The following PCDH15 variants were observed in gnomAD, a reference collection of about 807,000 sequenced individuals.
PCDH15 encodes the protein protocadherin related 15, also known as protocadherin-15.
A neutral mutation model predicts 178.5 loss-of-function variants in PCDH15; 129 were observed. The observed-to-expected ratio is 0.72, with a 90% confidence interval of 0.63 to 0.84. The LOEUF is 0.84. Among genes scored for constraint, PCDH15 ranks in the 40% least tolerant of loss-of-function variants. The probability of loss-of-function intolerance (pLI) is 0.00; values close to 1 mark genes in which losing one functional copy is unlikely to be tolerated. For missense variants in PCDH15, 2,230 were observed against 2,099.9 expected (o/e 1.06, Z -1.21); for synonymous variants, 800 against 732.0 (o/e 1.09, Z -1.50).
intron 2 of PCDH15, among the ~76,000 whole-genome samples, chr10:55,109,294 A>C (rs1005999604): frequency 1.2e-4 from 19 of 152,296 alleles, no homozygotes; most frequent in Non-Finnish European, 1.3e-4. Context: ...AAATTTCTTA[A>C]ATTTTTAAGC....
At chr10:55,454,726 A>G (rs1839513375) in intron 2 of PCDH15, among the ~76,000 whole-genome samples, 1 of 149,272 alleles carries the variant, frequency 6.7e-6, no homozygotes, top group African/African-American at 2.5e-5. Context: ...CGGAGCTTGC[A>G]GTGAGCCGAG....
chr10:54,696,650 T>C (rs2095229647), intron 1 of PCDH15, among the ~76,000 whole-genome samples: 1 of 150,326 alleles, frequency 6.7e-6, no homozygotes, highest in South Asian at 2.2e-4. Flanking sequence ...CCATTTCTGA[T>C]CAAAAAGATT....
intron 1 of PCDH15, among the ~76,000 whole-genome samples, chr10:55,310,449 T>C (rs143158385): frequency 2.2e-4 from 33 of 152,312 alleles, no homozygotes; most frequent in African/African-American, 7.9e-4. Flanking sequence ...ACTTGTTAAT[T>C]CTAACCTATT....
At chr10:55,281,094 T>C (rs1211944843) in intron 1 of PCDH15, among the ~76,000 whole-genome samples, 1 of 152,202 alleles carries the variant, frequency 6.6e-6, no homozygotes, top group East Asian at 1.9e-4. Flanking sequence ...AGCCAATAAA[T>C]GTGTAAAAAA....
intron 1 of PCDH15, among the ~76,000 whole-genome samples, chr10:54,682,659 C>T (rs1039024202): frequency 6.6e-5 from 10 of 152,072 alleles, no homozygotes; most frequent in African/African-American, 2.4e-4. Context: ...GATGCTGTCT[C>T]AGAGAGCCCT....
At chr10:54,742,757 T>TAC (rs1591393121) in intron 1 of PCDH15, among the ~76,000 whole-genome samples, 1 of 152,132 alleles carries the variant, frequency 6.6e-6, no homozygotes, top group East Asian at 1.9e-4. Context: ...TTTCCTAATG[T>TAC]CATGGTACAC....
chr10:54,039,624 T>C (rs956348181), intron 18 of PCDH15, among the ~76,000 whole-genome samples: 3 of 151,942 alleles, frequency 2.0e-5, no homozygotes, highest in African/African-American at 4.8e-5. Context: ...CCCAGAGCTG[T>C]GAATTCCACT....
chr10:54,039,600 C>G (rs1167724148), intron 18 of PCDH15, among the ~76,000 whole-genome samples: 4 of 151,874 alleles, frequency 2.6e-5, no homozygotes, highest in African/African-American at 9.7e-5. Flanking sequence ...ATGAGAATTA[C>G]AGTATATAGT....
chr10:54,222,748 A>G (rs951073354), intron 9 of PCDH15, among the ~76,000 whole-genome samples: 3 of 152,204 alleles, frequency 2.0e-5, no homozygotes, highest in African/African-American at 7.2e-5. Flanking sequence ...GACATTGAGC[A>G]ACTTTTCATA....
chr10:54,020,211 G>A lies in PCDH15; in HGVS notation c.2732C>T (p.Thr911Ile). The A allele has an allele frequency of 1.9e-6, 3 of 1,613,600 alleles. No homozygotes were observed. Among genetic ancestry groups the A allele is most frequent in the Non-Finnish European group, 1.7e-6 (2 of 1,179,680 alleles). ...IYGTMPPGIA[T>I]VTVIVKDMND... ...CCTTACCTTTACAATCACTGTGACA[G>A]TAGCAATACCAGGTGGCATTGTTCC... Residue 911 changes from threonine (T) to isoleucine (I), a missense_variant, in exon 20 of 38, where the codon ACT becomes ATT. Coordinates refer to ENST00000644397, the MANE Select transcript of PCDH15 (RefSeq NM_001384140.1).
At chr10:55,464,488 G>C (rs1839785883) in intron 2 of PCDH15, among the ~76,000 whole-genome samples, 1 of 151,882 alleles carries the variant, frequency 6.6e-6, no homozygotes, top group African/African-American at 2.4e-5. Flanking sequence ...GGTCCACCGA[G>C]GAGGTTTTAG....
At chr10:55,060,321 A>C (rs2131998273) in intron 2 of PCDH15, among the ~76,000 whole-genome samples, 1 of 152,158 alleles carries the variant, frequency 6.6e-6, no homozygotes, top group East Asian at 1.9e-4. Flanking sequence ...ATTTTTCCTA[A>C]ATTGATTTGG....
intron 3 of PCDH15, among the ~76,000 whole-genome samples, chr10:54,514,737 A>G (rs2082041616): frequency 6.6e-6 from 1 of 152,098 alleles, no homozygotes; most frequent in Admixed American, 6.6e-5. Context: ...CAAATCCATC[A>G]GGGTCCAAGG....
chr10:55,406,198 C>T (rs1193916325), intron 2 of PCDH15, among the ~76,000 whole-genome samples: 1 of 151,838 alleles, frequency 6.6e-6, no homozygotes, highest in African/African-American at 2.4e-5. Context: ...AGCATACGAT[C>T]CTGTATGCAT....
At chr10:55,203,811 T>A (rs1564889337) in intron 1 of PCDH15, among the ~76,000 whole-genome samples, 2 of 152,098 alleles carry the variant, frequency 1.3e-5, no homozygotes, top group Non-Finnish European at 2.9e-5. Context: ...ACCAAATTTT[T>A]AAAAAGTGTT....
chr10:55,107,814 A>G (rs1837395182), intron 2 of PCDH15, among the ~76,000 whole-genome samples: 3 of 150,930 alleles, frequency 2.0e-5, no homozygotes, highest in Non-Finnish European at 4.4e-5. Context: ...TACTGTTTTC[A>G]TAATGATGTA....
chr10:54,650,462 C>T (rs1185652769), intron 2 of PCDH15, among the ~76,000 whole-genome samples: 1 of 152,054 alleles, frequency 6.6e-6, no homozygotes, highest in Non-Finnish European at 1.5e-5. Flanking sequence ...ATATAAATGG[C>T]TTAATTAATA....
At chr10:54,718,112 G>T (rs1333618566) in intron 1 of PCDH15, among the ~76,000 whole-genome samples, 2 of 149,040 alleles carry the variant, frequency 1.3e-5, no homozygotes, top group East Asian at 3.9e-4. Context: ...GGACTGTTGT[G>T]GGGTGCGGGG....
At chr10:54,009,412 A>C (rs2092497183) in intron 20 of PCDH15, among the ~76,000 whole-genome samples, 1 of 152,064 alleles carries the variant, frequency 6.6e-6, no homozygotes, top group African/African-American at 2.4e-5. Flanking sequence ...ATTCCAAGGT[A>C]GTTTAGAGGT....
Sources: gnomAD v4.1 joint callset for allele counts (sites outside exome capture counted in the v4.1 genomes callset) on GRCh38, gnomAD v4.1.1 for gene constraint, MANE v1.5 for transcripts, NCBI Gene and HGNC (gene_info 2026-07-23, HGNC 2026-07-21) for gene names.